The following CALCR variants were observed in gnomAD, a reference collection of about 807,000 sequenced individuals.
The protein encoded by CALCR is calcitonin receptor.
In CALCR, 47 loss-of-function variants were observed where a neutral mutation model predicts 59.5. The ratio of observed to expected loss-of-function variants is 0.79; its 90% CI spans 0.63 to 1.01. The LOEUF (loss-of-function observed/expected upper bound fraction) is 1.01. Ranked by LOEUF, CALCR falls within the 50% of genes least tolerant of loss-of-function variation. The pLI is 0.00. For missense variants in CALCR, 566 were observed against 597.1 expected, an observed-to-expected ratio of 0.95 and a Z score of 0.54; for synonymous variants, 213 against 211.3, an observed-to-expected ratio of 1.01 and a Z score of -0.07.
intron 2 of CALCR, among the ~76,000 whole-genome samples, chr7:93,573,177 C>A (rs1790044188): frequency 6.6e-6 from 1 of 152,154 alleles, no homozygotes; most frequent in African/African-American, 2.4e-5. Flanking sequence ...TAGCAATATC[C>A]TATTAGAAAT....
At chr7:93,453,477 A>G (rs934330284) in intron 8 of CALCR, among the ~76,000 whole-genome samples, 16 of 152,054 alleles carry the variant, frequency 1.1e-4, no homozygotes, top group Middle Eastern at 6.3e-3. Context: ...TATCAAATCG[A>G]GTGTCACTTC....
intron 3 of CALCR, among the ~76,000 whole-genome samples, chr7:93,486,632 T>C (rs1800950093): frequency 6.6e-6 from 1 of 151,516 alleles, no homozygotes; most frequent in Admixed American, 6.6e-5. Context: ...CTGAGAATAT[T>C]ATTTACCAAC....
chr7:93,556,622 CA>C (rs1789612757), intron 2 of CALCR, among the ~76,000 whole-genome samples: 1 of 151,950 alleles, frequency 6.6e-6, no homozygotes, highest in Non-Finnish European at 1.5e-5. Flanking sequence ...TGCACATAGG[CA>C]TGTGTAGAAT....
At chr7:93,473,859 C>T (rs1164632859) in intron 5 of CALCR, among the ~76,000 whole-genome samples, 1 of 151,524 alleles carries the variant, frequency 6.6e-6, no homozygotes, top group Non-Finnish European at 1.5e-5. Context: ...ATATTCAGTG[C>T]TGGTTACAGT....
chr7:93,522,495 A>G (rs944317712), intron 2 of CALCR, among the ~76,000 whole-genome samples: 2 of 152,182 alleles, frequency 1.3e-5, no homozygotes, highest in African/African-American at 4.8e-5. Context: ...CTACCTATCC[A>G]TCTACCTACC....
At chr7:93,434,150 C>A in intron 13 of CALCR, 103 bp downstream of exon 13, 1 of 820,314 alleles carries the variant, frequency 1.2e-6, no homozygotes, top group Non-Finnish European at 2.1e-6. Flanking sequence ...CCTATGAGGT[C>A]AACTGTAGAA....
At chr7:93,469,645 TTC>T (rs1800512854) in intron 6 of CALCR, among the ~76,000 whole-genome samples, 2 of 151,766 alleles carry the variant, frequency 1.3e-5, no homozygotes, top group African/African-American at 2.4e-5. Flanking sequence ...TTTAGCCAAT[TTC>T]ATCAGCTGTA....
chr7:93,430,552 CT>C (rs1799638115), intron 13 of CALCR, among the ~76,000 whole-genome samples: 2 of 152,086 alleles, frequency 1.3e-5, no homozygotes, highest in African/African-American at 4.8e-5. Flanking sequence ...TAAAGTTAAA[CT>C]TTTTGAAAAC....
intron 2 of CALCR, among the ~76,000 whole-genome samples, chr7:93,501,333 T>C (rs1412284812): frequency 6.6e-6 from 1 of 152,088 alleles, no homozygotes. Context: ...ATGACTCACC[T>C]TGCCAGTTCA....
chr7:93,505,609 G>A (rs1801408506), intron 2 of CALCR, among the ~76,000 whole-genome samples: 1 of 152,052 alleles, frequency 6.6e-6, no homozygotes, highest in African/African-American at 2.4e-5. Context: ...CCTTCCTTCA[G>A]GGAACTTTGC....
chr7:93,441,515 G>A (rs772901921), intron 9 of CALCR: 21 of 455,148 alleles, frequency 4.6e-5, no homozygotes, highest in Admixed American at 2.4e-5. Flanking sequence ...AGAAGGCCAG[G>A]GAAAGGAAAG....
chr7:93,555,553 G>A (rs1010444446), intron 2 of CALCR, among the ~76,000 whole-genome samples: 3 of 152,114 alleles, frequency 2.0e-5, no homozygotes, highest in Non-Finnish European at 4.4e-5. Context: ...AAAACCCTAA[G>A]CATTTTGAAT....
Position 93,460,855 on chromosome 7 carries a change from ACTT to A in CALCR, c.611_613del (p.Glu204del), listed in dbSNP as rs769998666. ...TCGCACGAGCTCTCCATTGGGTACT[ACTT>A]CAACCAGGTGGATGATGATAATCAT... On this transcript the variant is annotated inframe_deletion, in exon 8 of 14. Coordinates refer to ENST00000426151, the MANE Select transcript of CALCR (RefSeq NM_001742.4). 1 of 1,611,736 alleles carries A rather than the reference ACTT, an allele frequency of 6.2e-7. No individual in the cohort carries two copies. The highest frequency in any genetic ancestry group is 1.3e-5 in the African/African-American group (1 of 74,852).
chr7:93,468,822 G>C lies in CALCR; in HGVS notation c.430-16C>G. The C allele has an allele frequency of 2.2e-6, 2 of 898,186 alleles. No homozygotes were observed. 55.6% of individuals were successfully genotyped at this position (898,186 alleles called of 1,614,324 possible). A position where few individuals can be genotyped will look rare whatever the true frequency, so the allele number is the denominator to read the frequency against. On this transcript the variant is annotated splice_polypyrimidine_tract_variant and intron_variant, in intron 6 of 13. Coordinates refer to ENST00000426151, the MANE Select transcript of CALCR (RefSeq NM_001742.4). Reference sequence around the variant, plus strand: ...CATATGCATTCTGGAACAACAAAAAGTAAACAAACAAACAATGAATGAATG... The same window carrying C: ...CATATGCATTCTGGAACAACAAAAACTAAACAAACAAACAATGAATGAATG...
intron 2 of CALCR, among the ~76,000 whole-genome samples, chr7:93,500,301 T>G (rs1370168709): frequency 1.3e-5 from 2 of 151,998 alleles, no homozygotes; most frequent in Non-Finnish European, 2.9e-5. Flanking sequence ...CCCAGTTTAA[T>G]TTCTCTTAGT....
chr7:93,524,315 G>T (rs1016546089), intron 2 of CALCR, among the ~76,000 whole-genome samples: 1 of 151,456 alleles, frequency 6.6e-6, no homozygotes, highest in Admixed American at 6.6e-5. Context: ...GACTACAGGC[G>T]CCTGCCACCA....
Position 93,463,474 on chromosome 7 carries a change from T to C in CALCR, c.522-2527A>G, listed in dbSNP as rs10238618. 2.6e-3 allele frequency among the ~76,000 whole-genome samples: 394 copies of C among 152,020 alleles called. 1 individual carries two copies. Among genetic ancestry groups the C allele is most frequent in the African/African-American group, 9.0e-3 (375 of 41,466 alleles). On this transcript the variant is annotated intron_variant, in intron 7 of 13. Coordinates refer to ENST00000426151, the MANE Select transcript of CALCR (RefSeq NM_001742.4). ...TAAAATTTGTATTATACTAACTTGA[T>C]GACATTTACAGTCATCTTTTTGAAG...
rs140466636 is a variant in CALCR, at chr7:93,489,837, G to A, written c.-26-2830C>T. ...CTGAATTCTACCAGAGTTACAAAGA[G>A]GAGCTGGTACCATTTCTTCTGAAAC... is the stretch of plus-strand genomic sequence containing the variant. On this transcript the variant is annotated intron_variant, in intron 2 of 13. Coordinates refer to ENST00000426151, the MANE Select transcript of CALCR (RefSeq NM_001742.4). Among the ~76,000 whole-genome samples, 297 of 151,992 alleles carry A rather than the reference G, an allele frequency of 2.0e-3. 1 individual carries two copies. The highest frequency in any genetic ancestry group is 6.8e-3 in the Middle Eastern group (2 of 294).
At chr7:93,459,101 A>C (rs921551925) in intron 8 of CALCR, among the ~76,000 whole-genome samples, 11 of 152,216 alleles carry the variant, frequency 7.2e-5, no homozygotes, top group Non-Finnish European at 1.2e-4. Flanking sequence ...TGCAATTATA[A>C]ATTATTTAAA....
Sources: allele counts gnomAD v4.1 joint callset (sites outside exome capture counted in the v4.1 genomes callset), GRCh38; gene constraint gnomAD v4.1.1; transcripts MANE v1.5; gene names NCBI Gene and HGNC (gene_info 2026-07-23, HGNC 2026-07-21).